Variants in SLC35F1 observed in about 807,000 individuals in gnomAD.
The protein encoded by SLC35F1 is solute carrier family 35 member F1.
SLC35F1 carries 14 observed loss-of-function variants against 48.7 expected under a neutral mutation model. The ratio of observed to expected loss-of-function variants is 0.29; its 90% CI spans 0.19 to 0.45. SLC35F1 has a LOEUF of 0.45. SLC35F1 is among the 20% of genes least tolerant of loss of function. SLC35F1 has a pLI of 1.00. For synonymous variants in SLC35F1, 190 were observed against 202.2 expected, an observed-to-expected ratio of 0.94 and a Z score of 0.51; for missense variants, 404 against 500.0, an observed-to-expected ratio of 0.81 and a Z score of 1.83.
At chr6:118,217,568 C>T (rs1452852514) in intron 2 of SLC35F1, among the ~76,000 whole-genome samples, 5 of 151,944 alleles carry the variant, frequency 3.3e-5, no homozygotes, top group Admixed American at 6.6e-5. Flanking sequence ...CACAACAATG[C>T]GAATTTACTT....
intron 1 of SLC35F1, among the ~76,000 whole-genome samples, chr6:117,998,659 C>T (rs1206191765): frequency 1.3e-5 from 2 of 152,210 alleles, no homozygotes; most frequent in African/African-American, 4.8e-5. Flanking sequence ...ACTGAACAAC[C>T]TGCTCCTGAA....
intron 2 of SLC35F1, among the ~76,000 whole-genome samples, chr6:118,220,553 G>T (rs1775133664): frequency 6.6e-6 from 1 of 152,174 alleles, no homozygotes; most frequent in Admixed American, 6.5e-5. Context: ...TTGGCAAAAT[G>T]TAACCAGAGA....
chr6:117,956,224 T>A (rs1020582129), intron 1 of SLC35F1, among the ~76,000 whole-genome samples: 2 of 152,180 alleles, frequency 1.3e-5, no homozygotes, highest in Admixed American at 1.3e-4. Flanking sequence ...AGGTGTTGGC[T>A]TAGGAGTGGG....
At chr6:118,230,851 C>T (rs1775283748) in intron 2 of SLC35F1, among the ~76,000 whole-genome samples, 1 of 152,042 alleles carries the variant, frequency 6.6e-6, no homozygotes, top group Admixed American at 6.6e-5. Flanking sequence ...GGGCTTGCTA[C>T]TCAAGAGGCT....
At chr6:118,137,469 G>C (rs1773813559) in intron 1 of SLC35F1, among the ~76,000 whole-genome samples, 1 of 152,070 alleles carries the variant, frequency 6.6e-6, no homozygotes, top group Admixed American at 6.6e-5. Context: ...TTTGGGAAAG[G>C]AGTTCCCCCC....
intron 1 of SLC35F1, among the ~76,000 whole-genome samples, chr6:118,002,195 C>G (rs1248171719): frequency 1.3e-5 from 2 of 151,628 alleles, no homozygotes; most frequent in Non-Finnish European, 2.9e-5. Context: ...AGACTTGGAA[C>G]CAACCCAAAT....
chr6:117,917,427 A>G (rs1775840638), intron 1 of SLC35F1, among the ~76,000 whole-genome samples: 1 of 151,666 alleles, frequency 6.6e-6, no homozygotes, highest in Admixed American at 6.6e-5. Context: ...CTACTAGATG[A>G]AAGAGATGTT....
chr6:118,250,048 T>C (rs889032452), intron 3 of SLC35F1, among the ~76,000 whole-genome samples: 2 of 152,204 alleles, frequency 1.3e-5, no homozygotes, highest in African/African-American at 4.8e-5. Context: ...ATAGAAATTA[T>C]TCATTGCTTC....
At chr6:118,226,213 T>A (rs1212483943) in intron 2 of SLC35F1, among the ~76,000 whole-genome samples, 1 of 152,158 alleles carries the variant, frequency 6.6e-6, no homozygotes, top group East Asian at 1.9e-4. Context: ...AGGAATGACA[T>A]GCTGGTGACG....
intron 1 of SLC35F1, among the ~76,000 whole-genome samples, chr6:118,106,937 G>C (rs7763286): frequency 0.069 from 10,478 of 152,130 alleles, 990 homozygotes; most frequent in African/African-American, 0.21. Context: ...CTCACAGAAG[G>C]CTTTTCTAGC....
At chr6:118,176,582 G>GA (rs1295754956) in intron 2 of SLC35F1, among the ~76,000 whole-genome samples, 27 of 151,910 alleles carry the variant, frequency 1.8e-4, no homozygotes, top group East Asian at 5.8e-4. Context: ...AAAATACAAT[G>GA]AAAAAAATCA....
intron 1 of SLC35F1, among the ~76,000 whole-genome samples, chr6:118,137,402 T>C (rs1361496742): frequency 6.6e-6 from 1 of 152,186 alleles, no homozygotes; most frequent in Non-Finnish European, 1.5e-5. Flanking sequence ...ACAAGACAAA[T>C]TGAATCTGAC....
chr6:118,204,329 A>G (rs1187829364), intron 2 of SLC35F1, among the ~76,000 whole-genome samples: 1 of 152,168 alleles, frequency 6.6e-6, no homozygotes, highest in African/African-American at 2.4e-5. Context: ...GGGCCAGACC[A>G]TGTGAGGCCT....
intron 7 of SLC35F1, among the ~76,000 whole-genome samples, chr6:118,292,769 C>A (rs1267630469): frequency 6.6e-6 from 1 of 151,998 alleles, no homozygotes; most frequent in East Asian, 1.9e-4. Flanking sequence ...AACAGCTCTG[C>A]CTCTTGCGCT....
intron 3 of SLC35F1, among the ~76,000 whole-genome samples, chr6:118,263,624 T>G (rs10223440): frequency 2.0e-5 from 3 of 152,216 alleles, no homozygotes; most frequent in Non-Finnish European, 4.4e-5. Context: ...CAGAGATGTA[T>G]GCAAAGAAAG....
chr6:117,950,036 G>T (rs775318411), intron 1 of SLC35F1, among the ~76,000 whole-genome samples: 1 of 152,030 alleles, frequency 6.6e-6, no homozygotes, highest in African/African-American at 2.4e-5. Flanking sequence ...TGCAGTCTCC[G>T]TTCACAGCCC....
chr6:118,283,910 C>T (rs897257393), intron 6 of SLC35F1, among the ~76,000 whole-genome samples: 6 of 152,148 alleles, frequency 3.9e-5, no homozygotes, highest in African/African-American at 1.2e-4. Context: ...AGAATCTACA[C>T]GTAGGACTTT....
chr6:118,186,731 G>A (rs983653944), intron 2 of SLC35F1, among the ~76,000 whole-genome samples: 20 of 152,158 alleles, frequency 1.3e-4, no homozygotes, highest in Non-Finnish European at 2.6e-4. Context: ...AATAGGACCT[G>A]TAGTCCACAG....
chr6:118,077,794 G>A (rs1772843935), intron 1 of SLC35F1, among the ~76,000 whole-genome samples: 1 of 152,148 alleles, frequency 6.6e-6, no homozygotes, highest in South Asian at 2.1e-4. Flanking sequence ...ATTAGGAATA[G>A]ACAAAAAGAA....
Sources: allele counts gnomAD v4.1 joint callset (sites outside exome capture counted in the v4.1 genomes callset), GRCh38; gene constraint gnomAD v4.1.1; transcripts MANE v1.5; gene names NCBI Gene and HGNC (gene_info 2026-07-23, HGNC 2026-07-21).